The following TENM2 variants were observed in gnomAD, a reference collection of about 807,000 sequenced individuals.
TENM2 encodes teneurin-2.
A neutral mutation model predicts 245.2 loss-of-function variants in TENM2; 52 were observed. That is an observed-to-expected ratio of 0.21 (90% CI 0.17 to 0.27). The LOEUF (loss-of-function observed/expected upper bound fraction) is 0.27. TENM2 is among the 10% of genes least tolerant of loss of function. TENM2 has a pLI of 1.00. For missense variants in TENM2, 3,046 were observed against 3,666.8 expected, an observed-to-expected ratio of 0.83 and a Z score of 4.37; for synonymous variants, 1,363 against 1,438.9, an observed-to-expected ratio of 0.95 and a Z score of 1.19.
At chr5:167,288,347 C>G (rs1754415868) in intron 1 of TENM2, among the ~76,000 whole-genome samples, 1 of 152,078 alleles carries the variant, frequency 6.6e-6, no homozygotes, top group African/African-American at 2.4e-5. Flanking sequence ...ATCACGAGGT[C>G]AAGAGATGGA....
chr5:166,983,005 G>A, the TENM2 span, among the ~76,000 whole-genome samples: 1 of 151,994 alleles, frequency 6.6e-6, no homozygotes, highest in East Asian at 1.9e-4. Flanking sequence ...TTTAAAGAGG[G>A]AATGTTCACA....
intron 2 of TENM2, among the ~76,000 whole-genome samples, chr5:167,430,706 G>A (rs971347802): frequency 1.3e-5 from 2 of 152,058 alleles, no homozygotes; most frequent in East Asian, 3.9e-4. Context: ...GGGCTTTAGG[G>A]GTTTTGAAAA....
chr5:167,023,033 T>C, the TENM2 span, among the ~76,000 whole-genome samples: 1 of 152,210 alleles, frequency 6.6e-6, no homozygotes, highest in Non-Finnish European at 1.5e-5. Context: ...TTCAGAGCTG[T>C]GGTGTACTAA....
chr5:167,933,923 T>C (rs1056744770), intron 3 of TENM2, among the ~76,000 whole-genome samples: 4 of 152,232 alleles, frequency 2.6e-5, no homozygotes, highest in African/African-American at 7.2e-5. Context: ...AATTAGCAAT[T>C]GTTATTATTA....
chr5:167,637,987 AT>A (rs1372133328), intron 2 of TENM2, among the ~76,000 whole-genome samples: 6 of 151,828 alleles, frequency 4.0e-5, no homozygotes, highest in African/African-American at 1.2e-4. Flanking sequence ...AAAAAAAAAA[AT>A]ATTAGAATTT....
At chr5:167,771,087 G>A (rs1360653789) in intron 2 of TENM2, among the ~76,000 whole-genome samples, 1 of 151,906 alleles carries the variant, frequency 6.6e-6, no homozygotes, top group Admixed American at 6.6e-5. Flanking sequence ...AGAGAAGAGA[G>A]AAAAAGAGAG....
the TENM2 span, among the ~76,000 whole-genome samples, chr5:167,037,897 A>G: frequency 5.3e-5 from 8 of 152,234 alleles, no homozygotes; most frequent in South Asian, 1.0e-3. Flanking sequence ...TCCAAAGAAT[A>G]TAAGATGAGA....
intron 2 of TENM2, among the ~76,000 whole-genome samples, chr5:167,774,535 G>A (rs1480317763): frequency 6.6e-6 from 1 of 152,140 alleles, no homozygotes; most frequent in East Asian, 1.9e-4. Flanking sequence ...ATTAGGGAGA[G>A]TCTTTCTTAT....
rs538135046 is a variant in TENM2 at position 167,719,625 on chromosome 5, T to C, written c.503-156361T>C. On this transcript the variant is annotated intron_variant, in intron 2 of 28. Coordinates refer to ENST00000518659, the Ensembl canonical transcript of TENM2. ...GACTAATGGACAGAAGAAAGTAAAA[T>C]CTAAATAACCAGAATATTGGCAATA... Among the ~76,000 whole-genome samples, 11 of 152,276 alleles carry C rather than the reference T, an allele frequency of 7.2e-5. No homozygotes were observed. The South Asian group carries it at 2.1e-3, about 29-fold the overall frequency.
chr5:167,817,807 G>A (rs188396797), intron 2 of TENM2, among the ~76,000 whole-genome samples: 169 of 152,286 alleles, frequency 1.1e-3, no homozygotes, highest in Middle Eastern at 3.4e-3. Flanking sequence ...GGAATGGTGG[G>A]GACATTTGAT....
rs368646834 is a variant in TENM2, at chr5:168,226,278, A to C, written c.5284+15A>C. ...AGTGGTACAAGGTGAGCCTCCACCC[A>C]TACCATCCTACCCCCAAACTCACCC... On this transcript the variant is annotated intron_variant, in intron 24 of 28. Coordinates refer to ENST00000518659, the Ensembl canonical transcript of TENM2. The C allele has an allele frequency of 8.1e-6, 13 of 1,608,864 alleles. No individual in the cohort carries two copies. The highest frequency in any genetic ancestry group is 6.7e-5 in the African/African-American group (5 of 74,884).
chr5:168,223,098 G>A (rs1048590369), intron 23 of TENM2, among the ~76,000 whole-genome samples: 1 of 152,224 alleles, frequency 6.6e-6, no homozygotes, highest in African/African-American at 2.4e-5. Flanking sequence ...GGGGAAGTAA[G>A]TAGAGCTGGA....
At chr5:167,951,914 G>A (rs1050979518) in intron 3 of TENM2, among the ~76,000 whole-genome samples, 8 of 151,876 alleles carry the variant, frequency 5.3e-5, no homozygotes, top group Non-Finnish European at 8.8e-5. Context: ...ATCTCATTTT[G>A]AATTGTCAAC....
intron 2 of TENM2, among the ~76,000 whole-genome samples, chr5:167,445,328 T>TAGAGAGAG (rs1324065066): frequency 1.0e-3 from 34 of 33,136 alleles, no homozygotes; most frequent in African/African-American, 3.1e-3. Flanking sequence ...TATATATATA[T>TAGAGAGAG]ATATATATAG....
At chr5:167,274,053 TC>T in the TENM2 span, among the ~76,000 whole-genome samples, 1 of 152,128 alleles carries the variant, frequency 6.6e-6, no homozygotes, top group Non-Finnish European at 1.5e-5. Flanking sequence ...TAGTACAATG[TC>T]ACAATGAAGA....
chr5:167,923,334 A>G (rs1053692357), intron 3 of TENM2, among the ~76,000 whole-genome samples: 3 of 152,070 alleles, frequency 2.0e-5, no homozygotes, highest in African/African-American at 7.2e-5. Context: ...GAAAAAAAAA[A>G]AAGCCATGGG....
chr5:167,324,455 C>T (rs922256994), intron 1 of TENM2, among the ~76,000 whole-genome samples: 3 of 151,890 alleles, frequency 2.0e-5, no homozygotes, highest in African/African-American at 4.8e-5. Context: ...ATATTTTAAT[C>T]CATATAATTT....
At chr5:167,500,769 C>A (rs1769162303) in intron 2 of TENM2, among the ~76,000 whole-genome samples, 2 of 152,026 alleles carry the variant, frequency 1.3e-5, no homozygotes, top group Admixed American at 6.6e-5. Context: ...TGATGAGGTG[C>A]AATAGGTGTT....
chr5:168,044,568 C>T (rs1057091516), intron 5 of TENM2, among the ~76,000 whole-genome samples: 4 of 151,806 alleles, frequency 2.6e-5, no homozygotes, highest in Non-Finnish European at 5.9e-5. Context: ...ATCTGCCCCC[C>T]GTGTATCATT....
Sources: allele counts gnomAD v4.1 joint callset (sites outside exome capture counted in the v4.1 genomes callset), GRCh38; gene constraint gnomAD v4.1.1; transcripts MANE v1.5; gene names NCBI Gene and HGNC (gene_info 2026-07-23, HGNC 2026-07-21).